KCNB2: variants seen among roughly 807,000 people sequenced by gnomAD.
KCNB2 encodes delayed rectifier potassium channel protein.
Under a neutral mutation model 61.5 loss-of-function variants are expected in KCNB2, and 15 were observed. The ratio of observed to expected loss-of-function variants is 0.24; its 90% CI spans 0.16 to 0.38. The LOEUF (loss-of-function observed/expected upper bound fraction) is 0.38. Ranked by LOEUF, KCNB2 falls within the 10% of genes least tolerant of loss-of-function variation. KCNB2 has a pLI of 1.00. For missense variants in KCNB2, 828 were observed against 1,125.2 expected (o/e 0.74, Z 3.78); for synonymous variants, 457 against 446.0 (o/e 1.02, Z -0.31).
In KCNB2 at chr8:72,854,265, C is replaced by G. The variant is rs148062098; in HGVS notation, c.580-81670C>G. Among the ~76,000 whole-genome samples the G allele has an allele frequency of 5.5e-3, 837 of 152,242 alleles. 17 individuals carry two copies. Among genetic ancestry groups the G allele is most frequent in the Admixed American group, 0.033 (500 of 15,288 alleles). On this transcript the variant is annotated intron_variant, in intron 2 of 2. Transcript: ENST00000523207. ...AAATAAATTGGAATGAGTAAAACCT[C>G]ACGTTCTTACATACACACTGGGCAT...
At chr8:72,824,415 C>T (rs938016881) in intron 2 of KCNB2, among the ~76,000 whole-genome samples, 3 of 152,058 alleles carry the variant, frequency 2.0e-5, no homozygotes, top group Admixed American at 6.5e-5. Flanking sequence ...CCCCAGCCCC[C>T]CTGTAGTGGC....
At chr8:72,683,165 C>G (rs866939233) in intron 2 of KCNB2, among the ~76,000 whole-genome samples, 1 of 152,102 alleles carries the variant, frequency 6.6e-6, no homozygotes, top group Non-Finnish European at 1.5e-5. Context: ...GGAAATATGA[C>G]GTAAACAGCA....
chr8:72,601,065 A>G (rs1332891117), intron 2 of KCNB2, among the ~76,000 whole-genome samples: 1 of 151,832 alleles, frequency 6.6e-6, no homozygotes, highest in Non-Finnish European at 1.5e-5. Context: ...TGGTCTTAAG[A>G]CTGTATTGCT....
intron 2 of KCNB2, among the ~76,000 whole-genome samples, chr8:72,759,589 T>G (rs1194822220): frequency 6.6e-6 from 1 of 152,176 alleles, no homozygotes; most frequent in Non-Finnish European, 1.5e-5. Context: ...TTAACCAAAC[T>G]GCAACATGGC....
chr8:72,731,701 C>T (rs1807740357), intron 2 of KCNB2, among the ~76,000 whole-genome samples: 1 of 152,202 alleles, frequency 6.6e-6, no homozygotes, highest in Admixed American at 6.5e-5. Context: ...GCTAAGGCCA[C>T]TCCTCTCAGG....
intron 2 of KCNB2, among the ~76,000 whole-genome samples, chr8:72,837,008 G>T (rs1809793915): frequency 6.6e-6 from 1 of 152,048 alleles, no homozygotes; most frequent in South Asian, 2.1e-4. Flanking sequence ...CTTCCCAGTG[G>T]GTACCTCCAC....
chr8:72,861,702 C>T (rs1472022097), intron 2 of KCNB2, among the ~76,000 whole-genome samples: 1 of 152,072 alleles, frequency 6.6e-6, no homozygotes, highest in Non-Finnish European at 1.5e-5. Context: ...GCCTGCCTGA[C>T]CAGAAAAACA....
At chr8:72,813,441 C>T (rs1371943676) in intron 2 of KCNB2, among the ~76,000 whole-genome samples, 1 of 151,956 alleles carries the variant, frequency 6.6e-6, no homozygotes, top group East Asian at 1.9e-4. Context: ...AGACATCTCC[C>T]GAAGATGATT....
At chr8:72,686,029 C>T (rs1806847501) in intron 2 of KCNB2, among the ~76,000 whole-genome samples, 1 of 152,304 alleles carries the variant, frequency 6.6e-6, no homozygotes, top group Non-Finnish European at 1.5e-5. Flanking sequence ...GACAGCGTGG[C>T]ACCTGGGCAC....
intron 2 of KCNB2, among the ~76,000 whole-genome samples, chr8:72,662,969 A>G (rs1396303913): frequency 6.6e-6 from 1 of 152,174 alleles, no homozygotes; most frequent in African/African-American, 2.4e-5. Flanking sequence ...CAGAATGATC[A>G]TCTTTGATGC....
At chr8:72,721,490 G>A (rs1277030361) in intron 2 of KCNB2, among the ~76,000 whole-genome samples, 2 of 152,198 alleles carry the variant, frequency 1.3e-5, no homozygotes, top group Non-Finnish European at 2.9e-5. Context: ...CTAAAAGAAA[G>A]TGAGAGTAAG....
chr8:72,672,170 C>A (rs527830288), intron 2 of KCNB2, among the ~76,000 whole-genome samples: 1 of 152,192 alleles, frequency 6.6e-6, no homozygotes, highest in East Asian at 1.9e-4. Flanking sequence ...TGGCTAGATC[C>A]AATATTCATT....
chr8:72,662,011 G>T (rs1304800334), intron 2 of KCNB2, among the ~76,000 whole-genome samples: 1 of 152,144 alleles, frequency 6.6e-6, no homozygotes, highest in East Asian at 1.9e-4. Context: ...TTTCAAAGAG[G>T]TTAAGCCTCT....
chr8:72,811,555 A>G (rs1476218740), intron 2 of KCNB2, among the ~76,000 whole-genome samples: 2 of 152,100 alleles, frequency 1.3e-5, no homozygotes, highest in Non-Finnish European at 2.9e-5. Context: ...GAGACTATTG[A>G]TTTCTATTAA....
At chr8:72,912,489 C>CTATAT (rs1211246064) in intron 2 of KCNB2, among the ~76,000 whole-genome samples, 1 of 137,334 alleles carries the variant, frequency 7.3e-6, no homozygotes, top group African/African-American at 2.6e-5. Flanking sequence ...AGCTTTTATT[C>CTATAT]ATATATATAT....
At chr8:72,559,089 T>A (rs551791504) in intron 1 of KCNB2, among the ~76,000 whole-genome samples, 1 of 152,172 alleles carries the variant, frequency 6.6e-6, no homozygotes, top group South Asian at 2.1e-4. Flanking sequence ...TTGAAGTCTT[T>A]GTATAGTGTT....
At chr8:72,743,456 G>T (rs1054677876) in intron 2 of KCNB2, among the ~76,000 whole-genome samples, 4 of 152,184 alleles carry the variant, frequency 2.6e-5, no homozygotes, top group African/African-American at 9.7e-5. Flanking sequence ...AAATATTCAG[G>T]TGGAATGCCA....
At chr8:72,830,024 T>G (rs1195222471) in intron 2 of KCNB2, among the ~76,000 whole-genome samples, 1 of 150,774 alleles carries the variant, frequency 6.6e-6, no homozygotes, top group African/African-American at 2.4e-5. Flanking sequence ...CCATAATTGG[T>G]CGCTAAAAAT....
intron 2 of KCNB2, among the ~76,000 whole-genome samples, chr8:72,843,843 A>G (rs1360249340): frequency 2.6e-5 from 4 of 152,074 alleles, no homozygotes; most frequent in Non-Finnish European, 5.9e-5. Context: ...TGAACGTGAG[A>G]TGGGTCTCCT....
Sources: allele counts gnomAD v4.1 joint callset (sites outside exome capture counted in the v4.1 genomes callset), GRCh38; gene constraint gnomAD v4.1.1; transcripts MANE v1.5; gene names NCBI Gene and HGNC (gene_info 2026-07-23, HGNC 2026-07-21).